NDRG2: variants seen among roughly 807,000 people sequenced by gnomAD.
NDRG2 encodes NDRG family member 2.
NDRG2 carries 34 observed loss-of-function variants against 58.2 expected under a neutral mutation model. The ratio of observed to expected loss-of-function variants is 0.58; its 90% CI spans 0.44 to 0.78. The LOEUF is 0.78. Among genes scored for constraint, NDRG2 ranks in the 30% least tolerant of loss-of-function variants. The probability of loss-of-function intolerance (pLI) is 0.00; values close to 1 mark genes in which losing one functional copy is unlikely to be tolerated. For missense variants in NDRG2, 434 were observed against 471.2 expected (o/e 0.92, Z 0.73); for synonymous variants, 187 against 175.9 (o/e 1.06, Z -0.50).
At chr14:21,067,598 A>G (rs1886337238) in intron 1 of NDRG2, among the ~76,000 whole-genome samples, 1 of 152,338 alleles carries the variant, frequency 6.6e-6, no homozygotes, top group African/African-American at 2.4e-5. Flanking sequence ...GAGAAGCCCC[A>G]AAGAGTCTTA....
chr14:21,060,931 T>C (rs113807073), intron 1 of NDRG2, among the ~76,000 whole-genome samples: 5 of 152,324 alleles, frequency 3.3e-5, no homozygotes, highest in African/African-American at 4.8e-5. Context: ...TTTGTCCAAA[T>C]AGCACTGGGT....
chr14:21,043,224 A>C (rs1455981310), intron 1 of NDRG2: 1 of 1,614,098 alleles, frequency 6.2e-7, no homozygotes, highest in South Asian at 1.1e-5. Context: ...GCCTTTCTCC[A>C]GTGTGGCCGC....
intron 1 of NDRG2, among the ~76,000 whole-genome samples, chr14:21,045,411 A>G (rs976542628): frequency 4.6e-5 from 7 of 152,360 alleles, no homozygotes; most frequent in East Asian, 1.9e-4. Flanking sequence ...CCATCATCGA[A>G]TGGACTTCTG....
At chr14:21,032,829 A>AAAT (rs879009518) in intron 1 of NDRG2, 1 of 413,760 alleles carries the variant, frequency 2.4e-6, no homozygotes, top group South Asian at 1.8e-5. Flanking sequence ...GTGTGTTATT[A>AAAT]ACTTTTTATT....
Position 21,070,290 on chromosome 14 carries a change from G to C in NDRG2, c.24+538C>G. 8.2e-7 allele frequency: 1 copy of C among 1,212,990 alleles called. No individual in the cohort carries two copies. Among genetic ancestry groups the C allele is most frequent in the Non-Finnish European group, 1.0e-6 (1 of 956,664 alleles). 75.1% of individuals were successfully genotyped at this position (1,212,990 alleles called of 1,614,324 possible). A position where few individuals can be genotyped will look rare whatever the true frequency, so the allele number is the denominator to read the frequency against. On this transcript the variant is annotated intron_variant, in intron 1 of 14. Coordinates refer to the NDRG2 transcript ENST00000403829. This position sits in a 1 kb window ranked among gnomAD's most constrained non-coding sequence, Gnocchi z 4.7. ...GGGCCGAGCCGCCACCGCGGCCGGAGCTGTCCCTTAGCCAGACCCGGCGAG... is the reference window on the plus strand; with the variant it reads ...GGGCCGAGCCGCCACCGCGGCCGGACCTGTCCCTTAGCCAGACCCGGCGAG...
rs755190591 is a variant in NDRG2, at chr14:21,017,604, A to C, written c.1108T>G (p.Ser370Ala). The change falls in exon 16 of 16, where the codon TCC becomes GCC. Residue 370 changes from serine (S) to alanine (A), a missense_variant. Physicochemically the swap from Ser to Ala is moderately conservative, Grantham distance 99. Coordinates refer to ENST00000556147, the MANE Select transcript of NDRG2 (RefSeq NM_001320329.2). Reference protein sequence around the residue: ...SGPPGHTMEVSC With the variant: ...SGPPGHTMEVAC ...AGGGCAACAAGGGCCATTCAACAGG[A>C]GACCTCCATGGTGTGCCCCGGGGGC... The C allele has an allele frequency of 6.2e-7, 1 of 1,613,528 alleles. No homozygotes were observed. Among genetic ancestry groups the C allele is most frequent in the Non-Finnish European group, 8.5e-7 (1 of 1,179,768 alleles).
At chr14:21,064,836 A>C (rs1346925449) in intron 1 of NDRG2, among the ~76,000 whole-genome samples, 1 of 152,188 alleles carries the variant, frequency 6.6e-6, no homozygotes. Context: ...TACTACAATA[A>C]GCCTACATCT....
intron 1 of NDRG2, among the ~76,000 whole-genome samples, chr14:21,061,021 C>A (rs1413023244): frequency 1.3e-5 from 2 of 152,206 alleles, no homozygotes; most frequent in Non-Finnish European, 2.9e-5. Flanking sequence ...TAGGTTGGTA[C>A]AACCGCAGAT....
intron 6 of NDRG2, chr14:21,021,447 C>CGCA: frequency 3.1e-6 from 1 of 317,736 alleles, no homozygotes; most frequent in Non-Finnish European, 6.1e-6. Context: ...TCCCCATCCA[C>CGCA]CAGGTGTGGG....
intron 1 of NDRG2, chr14:21,042,875 C>G (rs1884966096): frequency 2.4e-6 from 2 of 838,112 alleles, no homozygotes; most frequent in Admixed American, 5.8e-5. Flanking sequence ...AGGAGACAAC[C>G]GAGTAGGGAG....
At chr14:21,058,413 C>G in intron 1 of NDRG2, 1 of 1,290,260 alleles carries the variant, frequency 7.8e-7, no homozygotes, top group South Asian at 1.4e-5. Flanking sequence ...GCTGCTTTTC[C>G]TCCCTCCAGT....
intron 1 of NDRG2, among the ~76,000 whole-genome samples, chr14:21,047,224 C>G (rs1566499407): frequency 1.3e-5 from 2 of 151,886 alleles, no homozygotes; most frequent in Non-Finnish European, 2.9e-5. Flanking sequence ...TAATAAATAC[C>G]CATTTATACT....
chr14:21,054,688 C>T (rs367612258), intron 1 of NDRG2, among the ~76,000 whole-genome samples: 17 of 152,302 alleles, frequency 1.1e-4, no homozygotes, highest in Admixed American at 8.5e-4. Flanking sequence ...TTTCAAATCC[C>T]GGCCCTGCCA....
rs183614071 is a variant in NDRG2 at position 21,051,990 on chromosome 14, G to C, written c.24+18838C>G. Among the ~76,000 whole-genome samples, 136 of 152,284 alleles carry C rather than the reference G, an allele frequency of 8.9e-4. 1 individual carries two copies. In the Middle Eastern group the frequency reaches 0.02, roughly 23 times the overall value. ...TATTCTCTGCTCCCCTTCTTTCAAG[G>C]CACCTTCAGAGTCTACTATTAGGCC... On this transcript the variant is annotated intron_variant, in intron 1 of 14. Coordinates refer to the NDRG2 transcript ENST00000403829.
intron 6 of NDRG2, 54 bp from the exon 7 acceptor site, chr14:21,020,898 C>T (rs1351982739): frequency 6.3e-7 from 1 of 1,576,042 alleles, no homozygotes; most frequent in Admixed American, 1.7e-5. Flanking sequence ...CAAAACCTGC[C>T]ACAGCCCATC....
upstream of NDRG2, chr14:21,025,218 G>C (rs898716246): frequency 4.7e-6 from 4 of 849,622 alleles, no homozygotes; most frequent in Non-Finnish European, 5.7e-6. This position sits in a 1 kb window ranked among gnomAD's most constrained non-coding sequence, Gnocchi z 5.1. Flanking sequence ...GCTCAGGAAA[G>C]GGTTGTGCTG....
At chr14:21,019,475 C>G (rs1261629698) in intron 10 of NDRG2, 164 bp downstream of exon 10, 2 of 615,268 alleles carry the variant, frequency 3.3e-6, no homozygotes, top group Admixed American at 6.0e-5. Context: ...TGCAATCCTT[C>G]CCACTGACTC....
chr14:21,070,477 G>T lies in NDRG2; in HGVS notation c.24+351C>A. ...TCCGGGCCCCCAAGTCCTCAGCCTG[G>T]TGCCTCCCGAGCCTGCCTCGGACTG... On this transcript the variant is annotated intron_variant, in intron 1 of 14. Coordinates refer to the NDRG2 transcript ENST00000403829. This position sits in a 1 kb window ranked among gnomAD's most constrained non-coding sequence, Gnocchi z 4.7. 1 of 1,350,682 alleles carries T rather than the reference G, an allele frequency of 7.4e-7. No individual in the cohort carries two copies. The highest frequency in any genetic ancestry group is 9.5e-7 in the Non-Finnish European group (1 of 1,054,956). The allele number at this position is 1,350,682 out of a possible 1,614,324, so 83.7% of individuals were successfully genotyped here.
At chr14:21,023,552 TCCCCA>T in intron 1 of NDRG2, 1 of 530,962 alleles carries the variant, frequency 1.9e-6, no homozygotes, top group East Asian at 3.1e-5. Context: ...ATACTCACCA[TCCCCA>T]CTGCCACCCT....
Sources: allele counts gnomAD v4.1 joint callset (sites outside exome capture counted in the v4.1 genomes callset), GRCh38; gene constraint gnomAD v4.1.1; non-coding constraint Gnocchi (gnomAD v3.1); transcripts MANE v1.5; gene names NCBI Gene and HGNC (gene_info 2026-07-23, HGNC 2026-07-21).